NBEAL2: variants seen among roughly 807,000 people sequenced by gnomAD.
NBEAL2 encodes the protein neurobeachin-like protein 2.
Under a neutral mutation model 299.8 loss-of-function variants are expected in NBEAL2, and 160 were observed. The ratio of observed to expected loss-of-function variants is 0.53; its 90% CI spans 0.47 to 0.61. NBEAL2 has a LOEUF of 0.61. Among genes scored for constraint, NBEAL2 ranks in the 20% least tolerant of loss-of-function variants. The pLI, the probability that NBEAL2 is intolerant of heterozygous loss-of-function variation, is 0.00. For missense variants in NBEAL2, 3,112 were observed against 3,649.0 expected (o/e 0.85, Z 3.79); for synonymous variants, 1,493 against 1,542.3 (o/e 0.97, Z 0.75).
rs757836670 is a variant in NBEAL2 at position 46,996,473 on chromosome 3, T to C, written c.2354T>C (p.Leu785Pro). The C allele has an allele frequency of 6.9e-6, 11 of 1,599,080 alleles. No homozygotes were observed. Among genetic ancestry groups the C allele is most frequent in the Non-Finnish European group, 9.4e-6 (11 of 1,172,206 alleles). The change falls in exon 16 of 54, where the codon CTC becomes CCC. Residue 785 changes from leucine (L) to proline (P), a missense_variant. Leu to Pro is a moderately conservative substitution (Grantham distance 98, BLOSUM62 -3). Coordinates refer to ENST00000450053, the MANE Select transcript of NBEAL2 (RefSeq NM_015175.3). ...PLQEGSIDST[L>P]AGTQDTRWGS... Reference sequence around the variant, plus strand: ...CAGGAGGGCAGCATCGACTCTACCCTCGCAGGCACCCAGGACACTCGGTGG... The same window carrying C: ...CAGGAGGGCAGCATCGACTCTACCCCCGCAGGCACCCAGGACACTCGGTGG...
chr3:46,980,177 G>A (rs982304549), intron 1 of NBEAL2, among the ~76,000 whole-genome samples: 3 of 152,226 alleles, frequency 2.0e-5, no homozygotes, highest in Non-Finnish European at 4.4e-5. Flanking sequence ...CGTGCAGCCT[G>A]AGTCTTTCTT....
rs1446337664 is a variant in NBEAL2 at position 46,989,070 on chromosome 3, CATT to C, written c.270-14_270-12del. 26 of 1,613,034 alleles carry C rather than the reference CATT, an allele frequency of 1.6e-5. No individual in the cohort carries two copies. The highest frequency in any genetic ancestry group is 2.2e-5 in the Non-Finnish European group (26 of 1,179,538). On this transcript the variant is annotated splice_polypyrimidine_tract_variant and intron_variant, in intron 3 of 53. Coordinates refer to ENST00000450053, the MANE Select transcript of NBEAL2 (RefSeq NM_015175.3). This position sits in a 1 kb window ranked among gnomAD's most constrained non-coding sequence, Gnocchi z 5.5. Reference sequence around the variant, plus strand: ...GGTGTATTATTGTGACCTCTCTCATCATTGACTCCCCCAGGAACCTGGAGAACA... The same window carrying C: ...GGTGTATTATTGTGACCTCTCTCATCGACTCCCCCAGGAACCTGGAGAACA...
In NBEAL2 at chr3:46,999,746, G is replaced by C. The variant is rs753218491; in HGVS notation, c.3789+31G>C. 6.2e-6 allele frequency: 10 copies of C among 1,602,602 alleles called. No homozygotes were observed. The East Asian group carries it at 2.0e-4, about 33-fold the overall frequency. The stretch of plus-strand genomic sequence containing the variant: ...CATGAGAGGTAAAAGCTTTGGGGGA[G>C]GGGGAGGGTGGCTTCTACCCTCTGG... On this transcript the variant is annotated intron_variant, in intron 26 of 53. Transcript: ENST00000450053.
At chr3:46,980,886 C>T (rs892475484) in intron 1 of NBEAL2, among the ~76,000 whole-genome samples, 1 of 152,220 alleles carries the variant, frequency 6.6e-6, no homozygotes, top group African/African-American at 2.4e-5. Flanking sequence ...TCAGGTGTGC[C>T]CTGGGCACAA....
chr3:46,998,206 G>C lies in NBEAL2; in HGVS notation c.3098G>C (p.Ser1033Thr), dbSNP rs1427712707. The change falls in exon 21 of 54, where the codon AGT (serine) becomes ACT (threonine). Residue 1033 changes from serine (S) to threonine (T), a missense_variant. This residue lies in a region of NBEAL2 where 2,243 missense variants were observed against 2,538.1 expected (regional missense o/e 0.88). Coordinates refer to ENST00000450053, the MANE Select transcript of NBEAL2 (RefSeq NM_015175.3). Reference protein sequence around the residue: ...LLFNFHLWTLSDFAVRLGHIQ... With the variant: ...LLFNFHLWTLTDFAVRLGHIQ... Reference sequence around the variant, plus strand: ...TTCAACTTTCACCTCTGGACCCTCAGTGACTTCGCCGTGCGCCTCGGTAGG... The same window carrying C: ...TTCAACTTTCACCTCTGGACCCTCACTGACTTCGCCGTGCGCCTCGGTAGG... The C allele has an allele frequency of 2.5e-6, 4 of 1,610,686 alleles. No homozygotes were observed. The highest frequency in any genetic ancestry group is 3.4e-6 in the Non-Finnish European group (4 of 1,178,696).
In NBEAL2 at chr3:47,001,845, T is replaced by A. The variant is rs1205295358; in HGVS notation, c.4782+19T>A. 6.2e-7 allele frequency: 1 copy of A among 1,612,950 alleles called. No homozygotes were observed. Among genetic ancestry groups the A allele is most frequent in the Admixed American group, 1.7e-5 (1 of 60,010 alleles). ...CCCACAGGTGAGCACAGGGTGAGCA[T>A]GGGGGCAGGGGGCGTGTGAGATGTC... On this transcript the variant is annotated intron_variant, in intron 30 of 53. Transcript: ENST00000450053. This position sits in a 1 kb window ranked among gnomAD's most constrained non-coding sequence, Gnocchi z 6.1.
At chr3:46,985,343 C>T (rs774608846) in intron 1 of NBEAL2, among the ~76,000 whole-genome samples, 25 of 152,160 alleles carry the variant, frequency 1.6e-4, no homozygotes, top group Non-Finnish European at 3.5e-4. Context: ...TGGGGTACGT[C>T]AGGCAGGGTC....
At chr3:46,997,486 G>T (rs1397884460) in intron 19 of NBEAL2, 53 bp downstream of exon 19, 4 of 1,593,348 alleles carry the variant, frequency 2.5e-6, no homozygotes, top group African/African-American at 1.3e-5. Context: ...CATGGTAGGG[G>T]GGTGGAATGC....
Position 47,003,710 on chromosome 3 carries a change from T to A in NBEAL2, c.5721-106T>A. ...GGCAGCCCCTCCCCATCTCTGGGAG[T>A]CATGAGAGTATATACCCCATGACTC... is the stretch of plus-strand genomic sequence containing the variant. On this transcript the variant is annotated intron_variant, in intron 35 of 53. Transcript: ENST00000450053. The surrounding 1 kb of genome is among the most constrained non-coding windows in gnomAD (Gnocchi z 7.0). 7 of 1,373,236 alleles carry A rather than the reference T, an allele frequency of 5.1e-6. No homozygotes were observed. In the South Asian group the frequency reaches 9.4e-5, roughly 18 times the overall value. 85.1% of individuals were successfully genotyped at this position (1,373,236 alleles called of 1,614,324 possible).
Position 46,996,944 on chromosome 3 carries a change from C to T in NBEAL2, c.2557-10C>T, listed in dbSNP as rs941232914. 1 of 1,613,076 alleles carries T rather than the reference C, an allele frequency of 6.2e-7. No homozygotes were observed. Among genetic ancestry groups the T allele is most frequent in the South Asian group, 1.1e-5 (1 of 91,088 alleles). On this transcript the variant is annotated splice_polypyrimidine_tract_variant and intron_variant, in intron 17 of 53. Transcript: ENST00000450053. ...TGACCCTGGCTGCCTGCCCATTCCC[C>T]TATCCCTAGGCTTGTAAGAACAACA...
intron 1 of NBEAL2, among the ~76,000 whole-genome samples, chr3:46,980,529 C>T (rs1243791372): frequency 1.4e-5 from 2 of 146,908 alleles, no homozygotes; most frequent in Non-Finnish European, 3.0e-5. Flanking sequence ...GAGGGGTAGA[C>T]CCAGGACCTC....
chr3:46,989,648 C>T lies in NBEAL2; in HGVS notation c.556+55C>T. On this transcript the variant is annotated intron_variant, in intron 6 of 53. Coordinates refer to ENST00000450053, the MANE Select transcript of NBEAL2 (RefSeq NM_015175.3). The surrounding 1 kb of genome is among the most constrained non-coding windows in gnomAD (Gnocchi z 5.5). ...TCCACCCCCAAACCTAGGCCCCTTCCTGTCGTTCCTTGATCCTGCCATACA... is the reference window on the plus strand; with the variant it reads ...TCCACCCCCAAACCTAGGCCCCTTCTTGTCGTTCCTTGATCCTGCCATACA... 1.4e-6 allele frequency: 2 copies of T among 1,468,134 alleles called. No homozygotes were observed. Among genetic ancestry groups the T allele is most frequent in the Admixed American group, 2.0e-5 (1 of 50,948 alleles). The allele number at this position is 1,468,134 out of a possible 1,614,324, so 90.9% of individuals were successfully genotyped here.
chr3:46,984,150 A>AAACAC (rs60398181), intron 1 of NBEAL2, among the ~76,000 whole-genome samples: 3 of 146,850 alleles, frequency 2.0e-5, no homozygotes, highest in Non-Finnish European at 4.5e-5. Flanking sequence ...AAAAAAAAAA[A>AAACAC]AAAAAATTAG....
chr3:47,007,983 C>T (rs1559623678), intron 49 of NBEAL2, 73 bp downstream of exon 49: 2 of 1,579,624 alleles, frequency 1.3e-6, no homozygotes, highest in African/African-American at 2.7e-5. Context: ...CAGTGGCCTT[C>T]CAGTCCTGTC....
At chr3:46,979,978 C>T in intron 1 of NBEAL2, 66 bp downstream of exon 1, 1 of 216,960 alleles carries the variant, frequency 4.6e-6, no homozygotes, top group Non-Finnish European at 8.9e-6. Context: ...GCGCCCCGCG[C>T]CTGCTGCACC....
Position 46,995,551 on chromosome 3 carries a change from C to T in NBEAL2, c.1816C>T (p.His606Tyr). Residue 606 changes from histidine to tyrosine, a missense_variant, in exon 13 of 54, where the codon CAT (histidine) becomes TAT (tyrosine). By Grantham distance (83) the His-to-Tyr change is moderately conservative (BLOSUM62 2). Coordinates refer to ENST00000450053, the MANE Select transcript of NBEAL2 (RefSeq NM_015175.3). ...QRWPGPGFTF[H>Y]AWLCLHPMDT... is the part of the protein sequence containing the mutation. The stretch of plus-strand genomic sequence containing the variant: ...ATGGCCAGGGCCTGGCTTCACCTTT[C>T]ATGCCTGGCTCTGTCTGCACCCTAT... 1 of 1,612,826 alleles carries T rather than the reference C, an allele frequency of 6.2e-7. No homozygotes were observed. The highest frequency in any genetic ancestry group is 8.5e-7 in the Non-Finnish European group (1 of 1,179,888).
Position 46,991,954 on chromosome 3 carries a change from G to A in NBEAL2, c.1032+8G>A, listed in dbSNP as rs1179054332. On this transcript the variant is annotated splice_region_variant and intron_variant, in intron 9 of 53. Transcript: ENST00000450053. This position sits in a 1 kb window ranked among gnomAD's most constrained non-coding sequence, Gnocchi z 6.2. ...CTCATTCAGAACAGCAAGGTGGGTA[G>A]GGCCCAGCCTGGGGGTGAGGGTCTG... The A allele has an allele frequency of 1.3e-6, 2 of 1,586,328 alleles. No homozygotes were observed. Among genetic ancestry groups the A allele is most frequent in the Non-Finnish European group, 1.7e-6 (2 of 1,166,168 alleles).
intron 11 of NBEAL2, 82 bp from the exon 12 acceptor site, chr3:46,994,373 C>A (rs1212634598): frequency 1.3e-5 from 17 of 1,296,270 alleles, no homozygotes; most frequent in Non-Finnish European, 1.5e-5. Flanking sequence ...AAACATGATG[C>A]CCCTCCAGAG....
Position 47,003,864 on chromosome 3 carries a change from G to A in NBEAL2, c.5769G>A (p.Ser1923=), listed in dbSNP as rs200100160. Residue 1923 remains serine (S), a synonymous_variant, in exon 36 of 54, where the codon TCG becomes TCA. Coordinates refer to ENST00000450053, the MANE Select transcript of NBEAL2 (RefSeq NM_015175.3). This position sits in a 1 kb window ranked among gnomAD's most constrained non-coding sequence, Gnocchi z 7.0. The part of the protein sequence containing the change: ...LDEQREKLVL[S]AECQLVTVVA... ...AGCAGCGTGAGAAGCTGGTGCTGTC[G>A]GCCGAGTGCCAGCTGGTGACGGTAG... 5.5e-4 allele frequency: 893 copies of A among 1,613,206 alleles called. No individual in the cohort carries two copies. Among genetic ancestry groups the A allele is most frequent in the Admixed American group, 9.0e-4 (54 of 59,874 alleles).
Sources: gnomAD v4.1 joint callset for allele counts (sites outside exome capture counted in the v4.1 genomes callset) on GRCh38, gnomAD v4.1.1 for gene constraint, gnomAD v4.1.1 regional missense constraint, Gnocchi (gnomAD v3.1) non-coding constraint, MANE v1.5 for transcripts, NCBI Gene and HGNC (gene_info 2026-07-23, HGNC 2026-07-21) for gene names.